Variants in SUGT1 observed in about 807,000 individuals in gnomAD.
SUGT1 encodes SGT1 assembly cochaperone of MIS12 kinetochore complex, also known as protein SGT1 homolog.
Under a neutral mutation model 56.1 loss-of-function variants are expected in SUGT1, and 15 were observed. That is an observed-to-expected ratio of 0.27 (90% CI 0.18 to 0.41). SUGT1 has a LOEUF of 0.41. Among genes scored for constraint, SUGT1 ranks in the 10% least tolerant of loss-of-function variants. SUGT1 has a pLI of 1.00. For synonymous variants in SUGT1, 123 were observed against 128.6 expected, an observed-to-expected ratio of 0.96 and a Z score of 0.30; for missense variants, 347 against 382.2, an observed-to-expected ratio of 0.91 and a Z score of 0.77.
In SUGT1 at chr13:52,657,402, A is replaced by G. The variant is rs577471251; in HGVS notation, c.97-130A>G. The G allele has an allele frequency of 2.2e-5, 18 of 807,232 alleles. No homozygotes were observed. In the South Asian group the frequency reaches 2.6e-4, roughly 11 times the overall value. 50.0% of individuals were successfully genotyped at this position (807,232 alleles called of 1,614,324 possible). A position where few individuals can be genotyped will look rare whatever the true frequency, so the allele number is the denominator to read the frequency against. On this transcript the variant is annotated intron_variant, in intron 2 of 12. Coordinates refer to ENST00000310528, the MANE Select transcript of SUGT1 (RefSeq NM_006704.5). The stretch of plus-strand genomic sequence containing the variant: ...TCCTTTTATAAGGAAAAACTCCAAT[A>G]TTATATCCGTGTTATCTTTCCTCCA...
At position 52,692,361 on chromosome 13, in the gene SUGT1, A is replaced by G. The variant is rs567539830; in HGVS notation, c.*4526A>G. 6.6e-6 allele frequency: 1 copy of G among 152,244 alleles called. No homozygotes were observed. The highest frequency in any genetic ancestry group is 2.1e-4 in the South Asian group (1 of 4,836). The allele number at this position is 152,244 out of a possible 1,614,324, so 9.4% of individuals were successfully genotyped here. ...GTGGAATGAATGATTTTTATTACCA[A>G]ATCAGCTGACTGGAAATGAAGCAGA... On this transcript the variant is annotated 3_prime_UTR_variant, in exon 13 of 13. Transcript: ENST00000310528.
chr13:52,652,883 A>G lies in SUGT1; in HGVS notation c.-38A>G. The G allele has an allele frequency of 6.8e-6, 11 of 1,606,624 alleles. No individual in the cohort carries two copies. The highest frequency in any genetic ancestry group is 9.4e-6 in the Non-Finnish European group (11 of 1,176,062). On this transcript the variant is annotated 5_prime_UTR_variant, in exon 1 of 13. It adds an upstream start codon to the 5' untranslated region. Coordinates refer to ENST00000310528, the MANE Select transcript of SUGT1 (RefSeq NM_006704.5). Reference sequence around the variant, plus strand: ...CGGTGGTGGAGGTGGTAACCGTGATAGTAGCAGCTCCGGCGGCAGCAACAG... The same window carrying G: ...CGGTGGTGGAGGTGGTAACCGTGATGGTAGCAGCTCCGGCGGCAGCAACAG...
At chr13:52,680,276 T>C in intron 12 of SUGT1, 121 bp downstream of exon 12, 1 of 883,778 alleles carries the variant, frequency 1.1e-6, no homozygotes, top group Non-Finnish European at 1.7e-6. Flanking sequence ...TTGAATAAGG[T>C]CTGTCTGAAC....
rs547116472 is a variant in SUGT1 at position 52,657,455 on chromosome 13, T to G, written c.97-77T>G. Reference sequence around the variant, plus strand: ...TAGCTTCTGACAATAAGTTACTTGATTAAAAATTATGTTTTAATTAGAATT... The same window carrying G: ...TAGCTTCTGACAATAAGTTACTTGAGTAAAAATTATGTTTTAATTAGAATT... On this transcript the variant is annotated intron_variant, in intron 2 of 12. Transcript: ENST00000310528. The G allele has an allele frequency of 8.9e-6, 11 of 1,234,634 alleles. No homozygotes were observed. The Admixed American group carries it at 1.8e-4, about 20-fold the overall frequency. The allele number at this position is 1,234,634 out of a possible 1,614,324, so 76.5% of individuals were successfully genotyped here. A position where few individuals can be genotyped will look rare whatever the true frequency, so the allele number is the denominator to read the frequency against.
At chr13:52,654,989 A>G (rs1962092030) in intron 2 of SUGT1, among the ~76,000 whole-genome samples, 2 of 152,212 alleles carry the variant, frequency 1.3e-5, no homozygotes, top group African/African-American at 4.8e-5. Context: ...TGTGGCTAGT[A>G]TTAGTACCTT....
chr13:52,683,626 C>T (rs1379576250), intron 12 of SUGT1, among the ~76,000 whole-genome samples: 2 of 152,148 alleles, frequency 1.3e-5, no homozygotes, highest in Admixed American at 6.5e-5. Flanking sequence ...ATTGCATCCT[C>T]TTCTGTTTTT....
At chr13:52,682,340 A>G (rs1430650839) in intron 12 of SUGT1, among the ~76,000 whole-genome samples, 2 of 151,554 alleles carry the variant, frequency 1.3e-5, no homozygotes, top group African/African-American at 4.9e-5. Context: ...ATGGGACTAC[A>G]CATCCATGCT....
intron 12 of SUGT1, among the ~76,000 whole-genome samples, chr13:52,684,857 G>A (rs1194442725): frequency 6.6e-6 from 1 of 151,614 alleles, no homozygotes; most frequent in African/African-American, 2.4e-5. Flanking sequence ...GTTTTCCTAG[G>A]CAGCGTCCTT....
chr13:52,676,680 C>G (rs1289618434), intron 11 of SUGT1, among the ~76,000 whole-genome samples: 2 of 152,154 alleles, frequency 1.3e-5, no homozygotes, highest in African/African-American at 4.8e-5. Context: ...CCCTTCTTCC[C>G]TCTCCCTTTC....
Position 52,690,687 on chromosome 13 carries a change from A to T in SUGT1, c.*2852A>T, listed in dbSNP as rs1963751130. 6.6e-6 allele frequency: 1 copy of T among 152,140 alleles called. No individual in the cohort carries two copies. Among genetic ancestry groups the T allele is most frequent in the Non-Finnish European group, 1.5e-5 (1 of 68,012 alleles). 9.4% of individuals were successfully genotyped at this position (152,140 alleles called of 1,614,324 possible). A position where few individuals can be genotyped will look rare whatever the true frequency, so the allele number is the denominator to read the frequency against. ...ACCACAAGTTTGAAACATCAAGGTC[A>T]ATTTTGATAATTTCCTGTCTTATGT... On this transcript the variant is annotated 3_prime_UTR_variant, in exon 13 of 13. Transcript: ENST00000310528.
rs1963985081 is a variant in SUGT1, at chr13:52,698,007, G to T, written c.*10172G>T. The T allele has an allele frequency of 6.6e-6, 1 of 152,194 alleles. No homozygotes were observed. Among genetic ancestry groups the T allele is most frequent in the Non-Finnish European group, 1.5e-5 (1 of 68,030 alleles). 9.4% of individuals were successfully genotyped at this position (152,194 alleles called of 1,614,324 possible). A position where few individuals can be genotyped will look rare whatever the true frequency, so the allele number is the denominator to read the frequency against. ...GTTAGTCTAATCTTTGTTTAGCAAA[G>T]CTATTTCTTGTTCTGGAATATAAGT... On this transcript the variant is annotated 3_prime_UTR_variant, in exon 13 of 13. Coordinates refer to ENST00000310528, the MANE Select transcript of SUGT1 (RefSeq NM_006704.5).
At chr13:52,667,413 C>T (rs1441154441) in intron 10 of SUGT1, among the ~76,000 whole-genome samples, 5 of 152,026 alleles carry the variant, frequency 3.3e-5, no homozygotes, top group African/African-American at 4.8e-5. Flanking sequence ...GGCGTGATCT[C>T]GGCTCACTGC....
At chr13:52,662,540 CTCCCCAGTGCCTA>C in intron 5 of SUGT1, 96 bp from the exon 6 acceptor site, 2 of 1,041,466 alleles carry the variant, frequency 1.9e-6, no homozygotes, top group Non-Finnish European at 2.9e-6. Flanking sequence ...TCGCTGCCGA[CTCCCCAGTGCCTA>C]GAACACTGCC....
intron 2 of SUGT1, among the ~76,000 whole-genome samples, chr13:52,656,512 TACTA>T (rs1305317492): frequency 2.6e-5 from 4 of 152,216 alleles, no homozygotes; most frequent in African/African-American, 9.6e-5. Context: ...ATGTTCCCCT[TACTA>T]ACAGTGAACT....
chr13:52,687,039 C>T (rs1326801716), intron 12 of SUGT1: 1 of 119,946 alleles, frequency 8.3e-6, no homozygotes, highest in African/African-American at 3.3e-5. Context: ...CCATTGCACT[C>T]CAGCCTGGGC....
chr13:52,700,472 T>C lies in SUGT1; in HGVS notation c.*12637T>C, dbSNP rs1250495029. ...GTCAGTCAACACTAAACCTGTTTTG[T>C]AAATTTGATGCTAGTATTATACTGG... On this transcript the variant is annotated 3_prime_UTR_variant, in exon 13 of 13. Coordinates refer to ENST00000310528, the MANE Select transcript of SUGT1 (RefSeq NM_006704.5). The C allele has an allele frequency of 6.6e-6, 1 of 152,200 alleles. No homozygotes were observed. Among genetic ancestry groups the C allele is most frequent in the South Asian group, 2.1e-4 (1 of 4,832 alleles). The allele number at this position is 152,200 out of a possible 1,614,324, so 9.4% of individuals were successfully genotyped here.
intron 5 of SUGT1, 72 bp downstream of exon 5, chr13:52,659,321 A>G (rs777504742): frequency 5.2e-5 from 50 of 955,714 alleles, no homozygotes; most frequent in Non-Finnish European, 7.1e-5. Context: ...AATTTTGGTA[A>G]TGTTAATTTC....
At position 52,693,432 on chromosome 13, in the gene SUGT1, A is replaced by T. The variant is rs914151399; in HGVS notation, c.*5597A>T. Reference sequence around the variant, plus strand: ...TAAATAATAAACAATTGCGCATACTATTAATATATATTTAGAGCTTTTGTT... The same window carrying T: ...TAAATAATAAACAATTGCGCATACTTTTAATATATATTTAGAGCTTTTGTT... On this transcript the variant is annotated 3_prime_UTR_variant, in exon 13 of 13. Coordinates refer to ENST00000310528, the MANE Select transcript of SUGT1 (RefSeq NM_006704.5). 1 of 152,170 alleles carries T rather than the reference A, an allele frequency of 6.6e-6. No individual in the cohort carries two copies. Among genetic ancestry groups the T allele is most frequent in the Non-Finnish European group, 1.5e-5 (1 of 68,024 alleles). 9.4% of individuals were successfully genotyped at this position (152,170 alleles called of 1,614,324 possible). A position where few individuals can be genotyped will look rare whatever the true frequency, so the allele number is the denominator to read the frequency against.
intron 8 of SUGT1, among the ~76,000 whole-genome samples, chr13:52,664,524 C>A (rs1962601525): frequency 6.6e-6 from 1 of 152,130 alleles, no homozygotes; most frequent in Admixed American, 6.5e-5. Context: ...TTTAATTATT[C>A]ATTAGCCTGT....
Sources: allele counts gnomAD v4.1 joint callset (sites outside exome capture counted in the v4.1 genomes callset), GRCh38; gene constraint gnomAD v4.1.1; transcripts MANE v1.5; gene names NCBI Gene and HGNC (gene_info 2026-07-23, HGNC 2026-07-21).